MTFR2: variants seen among roughly 807,000 people sequenced by gnomAD.
MTFR2 encodes the protein DUF729 domain-containing protein 1.
In MTFR2, 44 loss-of-function variants were observed where a neutral mutation model predicts 41.2. The ratio of observed to expected loss-of-function variants is 1.07; its 90% confidence interval spans 0.84 to 1.37. The LOEUF (loss-of-function observed/expected upper bound fraction) is 1.37. MTFR2 is among the 40% of genes most tolerant of loss of function. MTFR2 has a pLI of 0.00. For missense variants in MTFR2, 452 were observed against 459.5 expected (o/e 0.98, Z 0.15); for synonymous variants, 141 against 154.6 (o/e 0.91, Z 0.65).
chr6:136,240,964 G>T (rs184188613), intron 5 of MTFR2, among the ~76,000 whole-genome samples: 3 of 151,942 alleles, frequency 2.0e-5, no homozygotes, highest in Non-Finnish European at 4.4e-5. Flanking sequence ...GGTGGCGGGC[G>T]CCTGTAGTCC....
rs14215 is a variant in MTFR2 at position 136,233,332 on chromosome 6, G to T, written c.1037C>A (p.Thr346Asn). 3 of 1,612,062 alleles carry T rather than the reference G, an allele frequency of 1.9e-6. No individual in the cohort carries two copies. In the East Asian group the frequency reaches 6.7e-5, roughly 36 times the overall value. ...TACATTAGTGTAGCTTACCCTTGAA[G>T]TTTCTGGACTAGAAAATGGGGAAGA... ...WESSPFSSPE[T>N]SRFGHHISQS... Residue 346 changes from threonine (T) to asparagine (N), a missense_variant, in exon 7 of 8, where the codon ACT becomes AAT. Thr to Asn is a moderately conservative substitution (Grantham distance 65, BLOSUM62 0). Coordinates refer to ENST00000420702, the MANE Select transcript of MTFR2 (RefSeq NM_001099286.3).
chr6:136,247,741 A>G (rs2128459675), intron 2 of MTFR2, among the ~76,000 whole-genome samples: 1 of 152,318 alleles, frequency 6.6e-6, no homozygotes, highest in South Asian at 2.1e-4. Flanking sequence ...AAGGTCACCA[A>G]TAACCTAATA....
intron 5 of MTFR2, among the ~76,000 whole-genome samples, chr6:136,240,224 A>G (rs1315346290): frequency 6.6e-6 from 1 of 152,174 alleles, no homozygotes; most frequent in African/African-American, 2.4e-5. Context: ...TAAGCATATT[A>G]TTTTCTAAGC....
chr6:136,236,426 C>T (rs1779906946), intron 6 of MTFR2, among the ~76,000 whole-genome samples: 1 of 152,186 alleles, frequency 6.6e-6, no homozygotes, highest in Non-Finnish European at 1.5e-5. Flanking sequence ...TCATCTGATT[C>T]CTCAGCAACG....
intron 6 of MTFR2, among the ~76,000 whole-genome samples, chr6:136,236,096 C>T (rs926331091): frequency 2.0e-5 from 3 of 152,052 alleles, no homozygotes; most frequent in East Asian, 1.9e-4. Context: ...AAGGCAGCAG[C>T]GATAGACAGA....
In MTFR2 at chr6:136,245,570, G is replaced by A. The variant is rs143381059; in HGVS notation, c.64-701C>T. 3.9e-5 allele frequency among the ~76,000 whole-genome samples: 6 copies of A among 152,260 alleles called. 1 individual carries two copies. The East Asian group carries it at 1.2e-3, about 29-fold the overall frequency. On this transcript the variant is annotated intron_variant, in intron 2 of 7. Coordinates refer to ENST00000420702, the MANE Select transcript of MTFR2 (RefSeq NM_001099286.3). Reference sequence around the variant, plus strand: ...GGACATTTTTCCTAAGATCCCAACTGATATAGGTAGCCACCTATTAGCATC... The same window carrying A: ...GGACATTTTTCCTAAGATCCCAACTAATATAGGTAGCCACCTATTAGCATC...
chr6:136,246,787 A>AG (rs1780222580), intron 2 of MTFR2, among the ~76,000 whole-genome samples: 1 of 152,168 alleles, frequency 6.6e-6, no homozygotes, highest in African/African-American at 2.4e-5. Context: ...ACTCTTAGCT[A>AG]GGAAAAAAAA....
intron 4 of MTFR2, 39 bp downstream of exon 4, chr6:136,242,822 G>T: frequency 6.7e-7 from 1 of 1,501,098 alleles, no homozygotes; most frequent in East Asian, 2.3e-5. Flanking sequence ...CAAGAATTCA[G>T]TTTATAGCCC....
At chr6:136,243,281 C>T (rs1780129520) in intron 3 of MTFR2, among the ~76,000 whole-genome samples, 2 of 152,172 alleles carry the variant, frequency 1.3e-5, no homozygotes, top group African/African-American at 4.8e-5. Context: ...TACCACGTAA[C>T]ATTTAGGTCG....
At chr6:136,249,371 G>A (rs949127428) in intron 1 of MTFR2, among the ~76,000 whole-genome samples, 6 of 152,146 alleles carry the variant, frequency 3.9e-5, no homozygotes, top group Non-Finnish European at 7.4e-5. Context: ...TTAAAACCTC[G>A]TAGGATGTTT....
Position 136,233,433 on chromosome 6 carries a change from T to G in MTFR2, c.936A>C (p.Leu312Phe). ...RQNSHWDPVS[L>F]ISHALKQKFA... ...ATTTCTGTTTAAGTGCATGAGATAT[T>G]AAAGAAACTGGATCCCAATGTGAAT... is the stretch of plus-strand genomic sequence containing the variant. The change falls in exon 7 of 8, where the codon TTA becomes TTC. Residue 312 changes from leucine (L) to phenylalanine (F), a missense_variant. Transcript: ENST00000420702. 6.3e-7 allele frequency: 1 copy of G among 1,599,802 alleles called. No individual in the cohort carries two copies. The highest frequency in any genetic ancestry group is 8.5e-7 in the Non-Finnish European group (1 of 1,170,186).
intron 2 of MTFR2, among the ~76,000 whole-genome samples, chr6:136,245,793 T>C (rs1780198397): frequency 6.6e-6 from 1 of 152,232 alleles, no homozygotes; most frequent in Non-Finnish European, 1.5e-5. Flanking sequence ...ATTTCAGATT[T>C]CAGGTTTTGA....
chr6:136,235,272 G>A (rs2128457113), intron 6 of MTFR2, among the ~76,000 whole-genome samples: 1 of 152,298 alleles, frequency 6.6e-6, no homozygotes, highest in East Asian at 1.9e-4. Flanking sequence ...AGGTTTTCAA[G>A]GTGGCGGAAA....
intron 6 of MTFR2, among the ~76,000 whole-genome samples, chr6:136,236,573 C>T (rs1165789111): frequency 1.3e-5 from 2 of 152,166 alleles, no homozygotes; most frequent in Admixed American, 1.3e-4. Context: ...CCCGACAACA[C>T]AAGTACAAGA....
At chr6:136,235,333 C>T (rs992932227) in intron 6 of MTFR2, among the ~76,000 whole-genome samples, 11 of 140,556 alleles carry the variant, frequency 7.8e-5, no homozygotes, top group Admixed American at 2.7e-4. Context: ...AACGAGATAC[C>T]TGTGAGACAG....
In MTFR2 at chr6:136,240,898, T is replaced by C. The variant is rs193056384; in HGVS notation, c.514+546A>G. Among the ~76,000 whole-genome samples the C allele has an allele frequency of 3.3e-3, 495 of 152,272 alleles. 5 individuals carry two copies. The highest frequency in any genetic ancestry group is 0.028 in the South Asian group (133 of 4,822). ...CGAGGTCAGGAGATCGAGACCATCC[T>C]GGCTAACACGGTGAAACCCCGTCTC... is the stretch of plus-strand genomic sequence containing the variant. On this transcript the variant is annotated intron_variant, in intron 5 of 7. Transcript: ENST00000420702.
rs181623695 is a variant in MTFR2, at chr6:136,242,019, G to T, written c.282-343C>A. Reference sequence around the variant, plus strand: ...CACTTGAGCCTGGGAGGCAGAGGTTGTGGTGAGCCAAGATCGTGCCATTGC... The same window carrying T: ...CACTTGAGCCTGGGAGGCAGAGGTTTTGGTGAGCCAAGATCGTGCCATTGC... On this transcript the variant is annotated intron_variant, in intron 4 of 7. Coordinates refer to ENST00000420702, the MANE Select transcript of MTFR2 (RefSeq NM_001099286.3). Among the ~76,000 whole-genome samples, 417 of 144,282 alleles carry T rather than the reference G, an allele frequency of 2.9e-3. 2 individuals are homozygous for T. The highest frequency in any genetic ancestry group is 0.01 in the African/African-American group (392 of 38,342). 94.7% of individuals were successfully genotyped at this position (144,282 alleles called of 152,430 possible).
At chr6:136,237,969 C>T (rs995407864) in intron 6 of MTFR2, among the ~76,000 whole-genome samples, 4 of 152,022 alleles carry the variant, frequency 2.6e-5, no homozygotes, top group Non-Finnish European at 4.4e-5. Context: ...AAGAGGTAAG[C>T]GAAGGAAATC....
chr6:136,245,902 A>G (rs1354723653), intron 2 of MTFR2, among the ~76,000 whole-genome samples: 1 of 152,210 alleles, frequency 6.6e-6, no homozygotes, highest in Non-Finnish European at 1.5e-5. Context: ...CACCTATAGA[A>G]GATCTCAATT....
Sources: allele counts gnomAD v4.1 joint callset (sites outside exome capture counted in the v4.1 genomes callset), GRCh38; gene constraint gnomAD v4.1.1; transcripts MANE v1.5; gene names NCBI Gene and HGNC (gene_info 2026-07-23, HGNC 2026-07-21).